DDX19B: variants seen among roughly 807,000 people sequenced by gnomAD.
DDX19B encodes ATP-dependent RNA helicase DDX19B.
In DDX19B, 27 loss-of-function variants were observed where a neutral mutation model predicts 58.1. The observed-to-expected ratio is 0.46, with a 90% confidence interval of 0.34 to 0.64. The LOEUF (loss-of-function observed/expected upper bound fraction) is 0.64. Ranked by LOEUF, DDX19B falls within the 30% of genes least tolerant of loss-of-function variation. DDX19B has a pLI of 0.01. For synonymous variants in DDX19B, 187 were observed against 214.4 expected, an observed-to-expected ratio of 0.87 and a Z score of 1.12; for missense variants, 399 against 596.5, an observed-to-expected ratio of 0.67 and a Z score of 3.45.
At chr16:70,289,832 T>C (rs1022171579), upstream of DDX19B, 5 of 389,962 alleles carry the variant, frequency 1.3e-5, no homozygotes, top group East Asian at 7.8e-5. Flanking sequence ...ACAATTGACA[T>C]AGTTAAAAAG....
At chr16:70,305,907 C>T (rs1021006073) in intron 1 of DDX19B, among the ~76,000 whole-genome samples, 32 of 151,622 alleles carry the variant, frequency 2.1e-4, no homozygotes, top group Non-Finnish European at 2.8e-4. Flanking sequence ...ACTACAGGCG[C>T]CCACCACCAT....
intron 1 of DDX19B, among the ~76,000 whole-genome samples, chr16:70,308,421 G>A (rs1436016391): frequency 1.3e-5 from 2 of 151,164 alleles, no homozygotes; most frequent in Non-Finnish European, 2.9e-5. Flanking sequence ...TTTTTTAGTA[G>A]AGACAGGGTT....
In DDX19B at chr16:70,333,502, C is replaced by T. The variant is rs751273305; in HGVS notation, c.1379-19C>T. Reference sequence around the variant, plus strand: ...GCACATTCCTGGGCAGGGTAGAGACCTGTGTATCTTTCCCCCAGATAAGAA... The same window carrying T: ...GCACATTCCTGGGCAGGGTAGAGACTTGTGTATCTTTCCCCCAGATAAGAA... On this transcript the variant is annotated intron_variant, in intron 11 of 11. Transcript: ENST00000288071. 5.4e-5 allele frequency: 87 copies of T among 1,613,906 alleles called. No homozygotes were observed. The highest frequency in any genetic ancestry group is 2.2e-4 in the Admixed American group (13 of 59,992).
In DDX19B at chr16:70,333,674, G is replaced by A. The variant is rs1343817386; in HGVS notation, c.*92G>A. The A allele has an allele frequency of 3.8e-6, 6 of 1,588,494 alleles. No homozygotes were observed. The Admixed American group carries it at 6.8e-5, about 18-fold the overall frequency. On this transcript the variant is annotated 3_prime_UTR_variant, in exon 12 of 12. Transcript: ENST00000288071. ...GCACAGGCCCCGACATCACCCCAAG[G>A]ACAACGGCACAAGTAGAGAGAAACT...
At chr16:70,328,211 G>T (rs1963283785) in intron 7 of DDX19B, among the ~76,000 whole-genome samples, 1 of 151,878 alleles carries the variant, frequency 6.6e-6, no homozygotes, top group South Asian at 2.1e-4. Flanking sequence ...AAACAAATGT[G>T]ACCTTATGAA....
chr16:70,310,036 G>A (rs1235017497), intron 1 of DDX19B, among the ~76,000 whole-genome samples: 1 of 151,836 alleles, frequency 6.6e-6, no homozygotes, highest in Admixed American at 6.6e-5. Context: ...TTGAGCCCAG[G>A]AGCTCAAGAC....
chr16:70,313,842 C>A (rs951410266), intron 2 of DDX19B, among the ~76,000 whole-genome samples: 4 of 152,134 alleles, frequency 2.6e-5, no homozygotes, highest in Admixed American at 6.6e-5. Context: ...GGTGTGGTGG[C>A]TCACACCTGT....
chr16:70,327,997 C>G (rs1273746485), intron 7 of DDX19B, among the ~76,000 whole-genome samples: 2 of 151,858 alleles, frequency 1.3e-5, no homozygotes, highest in East Asian at 3.9e-4. Flanking sequence ...ACTAAAAATA[C>G]AAAAATATTA....
intron 7 of DDX19B, among the ~76,000 whole-genome samples, chr16:70,326,998 C>G (rs1458318155): frequency 6.6e-6 from 1 of 151,828 alleles, no homozygotes; most frequent in Non-Finnish European, 1.5e-5. Context: ...CTACGCCCAG[C>G]TAATTTTTTG....
At chr16:70,322,844 A>C (rs192568147) in intron 5 of DDX19B, among the ~76,000 whole-genome samples, 2 of 146,522 alleles carry the variant, frequency 1.4e-5, no homozygotes, top group Non-Finnish European at 3.0e-5. Context: ...GTGAGCTCAG[A>C]TCGCGCCTTT....
At position 70,333,704 on chromosome 16, in the gene DDX19B, A is replaced by G. The variant is rs111343596; in HGVS notation, c.*122A>G. 24 of 1,430,376 alleles carry G rather than the reference A, an allele frequency of 1.7e-5. No individual in the cohort carries two copies. In the African/African-American group the frequency reaches 2.4e-4, roughly 14 times the overall value. 88.6% of individuals were successfully genotyped at this position (1,430,376 alleles called of 1,614,324 possible). On this transcript the variant is annotated 3_prime_UTR_variant, in exon 12 of 12. Transcript: ENST00000288071. ...CGGCACAAGTAGAGAGAAACTACCT[A>G]CCTCACTTCAAATTATGTTTGGACT...
At chr16:70,313,050 G>A (rs890877683) in intron 2 of DDX19B, among the ~76,000 whole-genome samples, 16 of 151,850 alleles carry the variant, frequency 1.1e-4, no homozygotes, top group Non-Finnish European at 1.6e-4. Flanking sequence ...ACAGAGTCTC[G>A]CTCTGTTGCC....
chr16:70,306,172 AAT>A (rs1203218753), intron 1 of DDX19B, among the ~76,000 whole-genome samples: 3 of 148,836 alleles, frequency 2.0e-5, no homozygotes, highest in Admixed American at 1.3e-4. Flanking sequence ...TTGTTTTTGA[AAT>A]AGAGTCTTAC....
chr16:70,321,592 GGA>G (rs1387012057), intron 5 of DDX19B, among the ~76,000 whole-genome samples: 3 of 152,112 alleles, frequency 2.0e-5, no homozygotes, highest in Admixed American at 2.0e-4. Flanking sequence ...CTGCCCACAA[GGA>G]GCTTATGTTC....
chr16:70,290,021 C>T (rs1961017772), upstream of DDX19B: 2 of 295,800 alleles, frequency 6.8e-6, no homozygotes, highest in South Asian at 5.4e-5. Flanking sequence ...ACGATTGGAT[C>T]AGCATCTGGT....
upstream of DDX19B, chr16:70,290,059 GTTAATA>G (rs1961019188): frequency 1.4e-5 from 4 of 288,108 alleles, no homozygotes; most frequent in South Asian, 1.1e-4. Flanking sequence ...AAAAAAAAAA[GTTAATA>G]TTTATAGGCC....
intron 1 of DDX19B, among the ~76,000 whole-genome samples, chr16:70,307,674 T>C (rs1191235558): frequency 2.0e-5 from 3 of 146,994 alleles, no homozygotes; most frequent in African/African-American, 8.2e-5. Context: ...TATGTATATA[T>C]ATGTGTGTGT....
At chr16:70,304,557 G>C (rs1055088495) in intron 1 of DDX19B, among the ~76,000 whole-genome samples, 2 of 151,524 alleles carry the variant, frequency 1.3e-5, no homozygotes, top group African/African-American at 4.9e-5. Flanking sequence ...ATTTTTAGTA[G>C]AGACAGGGTT....
At chr16:70,325,343 TG>T (rs1567636027) in intron 6 of DDX19B, among the ~76,000 whole-genome samples, 1 of 152,228 alleles carries the variant, frequency 6.6e-6, no homozygotes, top group African/African-American at 2.4e-5. Context: ...GGTGGGTTTT[TG>T]TATTGCAGTG....
Sources: allele counts gnomAD v4.1 joint callset (sites outside exome capture counted in the v4.1 genomes callset), GRCh38; gene constraint gnomAD v4.1.1; transcripts MANE v1.5; gene names NCBI Gene and HGNC (gene_info 2026-07-23, HGNC 2026-07-21).